Variants in MAD1L1 observed in about 807,000 individuals in gnomAD.
The protein encoded by MAD1L1 is mitotic spindle assembly checkpoint protein MAD1.
Under a neutral mutation model 96.9 loss-of-function variants are expected in MAD1L1, and 95 were observed. That is an observed-to-expected ratio of 0.98 (90% CI 0.83 to 1.16). The LOEUF is 1.16. Ranked by LOEUF, MAD1L1 falls within the 50% of genes most tolerant of loss-of-function variation. The pLI is 0.00. For synonymous variants in MAD1L1, 473 were observed against 396.6 expected (o/e 1.19, Z -2.29); for missense variants, 1,007 against 954.4 (o/e 1.06, Z -0.73).
intron 14 of MAD1L1, among the ~76,000 whole-genome samples, chr7:1,984,631 G>A (rs769790311): frequency 3.3e-5 from 5 of 152,216 alleles, no homozygotes; most frequent in African/African-American, 4.8e-5. Flanking sequence ...AGCGGCTTCT[G>A]GCTTGAACTC....
chr7:1,851,148 T>G lies in MAD1L1; in HGVS notation c.1999-34920A>C, dbSNP rs139358300. 3.1e-3 allele frequency among the ~76,000 whole-genome samples: 478 copies of G among 152,316 alleles called. 3 individuals are homozygous for G. The highest frequency in any genetic ancestry group is 0.011 in the African/African-American group (445 of 41,592). Reference sequence around the variant, plus strand: ...CATGTGGCCCTCCCAGCCCAACTGCTGACTGATGGCGGCAACCCTGTGGGG... The same window carrying G: ...CATGTGGCCCTCCCAGCCCAACTGCGGACTGATGGCGGCAACCCTGTGGGG... On this transcript the variant is annotated intron_variant, in intron 18 of 18. Coordinates refer to ENST00000265854, the MANE Select transcript of MAD1L1 (RefSeq NM_001013836.2).
At chr7:2,229,341 G>A (rs760960397) in intron 3 of MAD1L1, among the ~76,000 whole-genome samples, 25 of 152,308 alleles carry the variant, frequency 1.6e-4, no homozygotes, top group African/African-American at 5.1e-4. Flanking sequence ...CCCCATTATC[G>A]CAGCCCCAAC....
chr7:1,921,477 C>T (rs917465922), intron 17 of MAD1L1, among the ~76,000 whole-genome samples: 2 of 152,086 alleles, frequency 1.3e-5, no homozygotes, highest in African/African-American at 2.4e-5. Flanking sequence ...GACACCCTCC[C>T]GCCACGCCTG....
intron 18 of MAD1L1, among the ~76,000 whole-genome samples, chr7:1,880,050 A>G (rs958446760): frequency 2.0e-5 from 3 of 152,168 alleles, no homozygotes; most frequent in African/African-American, 7.2e-5. Context: ...TTTTCAACAA[A>G]AGTACCAAGG....
In MAD1L1 at chr7:2,066,879, C is replaced by T. The variant is rs184282885; in HGVS notation, c.1218+2315G>A. Among the ~76,000 whole-genome samples the T allele has an allele frequency of 2.5e-3, 380 of 152,372 alleles. 2 individuals carry two copies. The highest frequency in any genetic ancestry group is 8.5e-3 in the African/African-American group (352 of 41,600). On this transcript the variant is annotated intron_variant, in intron 12 of 18. Coordinates refer to ENST00000265854, the MANE Select transcript of MAD1L1 (RefSeq NM_001013836.2). ...AAGAACACTCAGGCCCACACGTGAC[C>T]TGTCAAGGGAACTCTGCCCATCAGC...
intron 15 of MAD1L1, among the ~76,000 whole-genome samples, chr7:1,969,127 T>C (rs1004085534): frequency 1.3e-5 from 2 of 152,230 alleles, no homozygotes; most frequent in Non-Finnish European, 2.9e-5. Context: ...CTCCCGCCTG[T>C]AATCCCAGCA....
At chr7:1,917,179 G>T (rs1164892060) in intron 17 of MAD1L1, among the ~76,000 whole-genome samples, 2 of 152,228 alleles carry the variant, frequency 1.3e-5, no homozygotes, top group Non-Finnish European at 2.9e-5. Flanking sequence ...CACACGGACA[G>T]AACAGTGTGG....
At chr7:1,847,795 G>A (rs1406368805) in intron 18 of MAD1L1, 2 of 434,342 alleles carry the variant, frequency 4.6e-6, no homozygotes, top group Non-Finnish European at 9.5e-6. Flanking sequence ...GAATCGGCCT[G>A]CCTAGCACCC....
At chr7:2,109,662 G>A (rs1308939472) in intron 11 of MAD1L1, 1 of 152,182 alleles carries the variant, frequency 6.6e-6, no homozygotes, top group Non-Finnish European at 1.5e-5. Flanking sequence ...GGCTGCGTGG[G>A]TCTAAATAGT....
chr7:2,081,949 G>T (rs1358610585), intron 11 of MAD1L1, among the ~76,000 whole-genome samples: 1 of 152,234 alleles, frequency 6.6e-6, no homozygotes, highest in East Asian at 1.9e-4. Flanking sequence ...CAGCAAGGTA[G>T]CAGCTTCCAG....
chr7:1,987,577 G>C (rs777978007), intron 14 of MAD1L1, among the ~76,000 whole-genome samples: 1 of 151,996 alleles, frequency 6.6e-6, no homozygotes, highest in Non-Finnish European at 1.5e-5. Flanking sequence ...GGGAGGGGGG[G>C]AGAGGCAGGT....
chr7:2,129,452 G>A (rs1788403987), intron 11 of MAD1L1, among the ~76,000 whole-genome samples: 1 of 152,242 alleles, frequency 6.6e-6, no homozygotes, highest in South Asian at 2.1e-4. Flanking sequence ...CTCCTGCTAG[G>A]CAGCGCCCCT....
intron 11 of MAD1L1, among the ~76,000 whole-genome samples, chr7:2,085,534 C>T (rs754829921): frequency 3.9e-5 from 6 of 152,206 alleles, no homozygotes; most frequent in Admixed American, 1.3e-4. Context: ...GCTTTGAGTT[C>T]GGGACTTTGC....
At chr7:1,975,557 C>T (rs1780598012) in intron 15 of MAD1L1, among the ~76,000 whole-genome samples, 1 of 152,188 alleles carries the variant, frequency 6.6e-6, no homozygotes, top group South Asian at 2.1e-4. Context: ...CCAGTTACCT[C>T]TATGTAGTTT....
At chr7:2,023,474 T>C (rs1037809195) in intron 12 of MAD1L1, among the ~76,000 whole-genome samples, 5 of 152,066 alleles carry the variant, frequency 3.3e-5, no homozygotes, top group African/African-American at 1.2e-4. Context: ...TAAGAATAGT[T>C]TGAACAAGAA....
chr7:2,199,921 T>C, intron 10 of MAD1L1, among the ~76,000 whole-genome samples: 1 of 152,198 alleles, frequency 6.6e-6, no homozygotes, highest in East Asian at 1.9e-4. Flanking sequence ...CAGTGAAGCC[T>C]GGATGAAAGG....
chr7:1,917,909 G>A (rs531294853), intron 17 of MAD1L1, among the ~76,000 whole-genome samples: 34 of 152,302 alleles, frequency 2.2e-4, no homozygotes, highest in Non-Finnish European at 8.8e-5. Flanking sequence ...AAGGGCTAGC[G>A]GGGACGGAGG....
chr7:2,213,860 A>T (rs1278257192), intron 9 of MAD1L1, among the ~76,000 whole-genome samples: 1 of 152,200 alleles, frequency 6.6e-6, no homozygotes, highest in Non-Finnish European at 1.5e-5. Context: ...CATCCCAAAG[A>T]GGTGAGTCTC....
intron 15 of MAD1L1, among the ~76,000 whole-genome samples, chr7:1,965,345 G>A (rs568531881): frequency 2.0e-5 from 3 of 152,308 alleles, no homozygotes; most frequent in Non-Finnish European, 2.9e-5. Context: ...GCAGTGTGAC[G>A]GGTGCCCACG....
Sources: gnomAD v4.1 joint callset for allele counts (sites outside exome capture counted in the v4.1 genomes callset) on GRCh38, gnomAD v4.1.1 for gene constraint, MANE v1.5 for transcripts, NCBI Gene and HGNC (gene_info 2026-07-23, HGNC 2026-07-21) for gene names.